The following DCP1B variants were observed in gnomAD, a reference collection of about 807,000 sequenced individuals.
DCP1B encodes the protein decapping mRNA 1B, also known as mRNA-decapping enzyme 1B.
In DCP1B, 47 loss-of-function variants were observed where a neutral mutation model predicts 60.5. That is an observed-to-expected ratio of 0.78 (90% CI 0.61 to 0.99). DCP1B has a LOEUF of 0.99. DCP1B is among the 50% of genes least tolerant of loss of function. The pLI is 0.00. For synonymous variants in DCP1B, 267 were observed against 280.3 expected (o/e 0.95, Z 0.47); for missense variants, 725 against 756.8 (o/e 0.96, Z 0.49).
rs1467870889 is a variant in DCP1B, at chr12:1,952,678, G to A, written c.1262C>T (p.Ala421Val). The A allele has an allele frequency of 1.2e-6, 2 of 1,614,060 alleles. No individual in the cohort carries two copies. The highest frequency in any genetic ancestry group is 1.7e-6 in the Non-Finnish European group (2 of 1,180,048). The change falls in exon 7 of 9, where the codon GCT becomes GTT. Residue 421 changes from alanine to valine, a missense_variant. Ala to Val is a moderately conservative substitution (Grantham distance 64, BLOSUM62 0). Transcript: ENST00000280665. ...GAGTGTGGACTGTTCTCTTCCATGAGCCTGATGTCCTACTGTCTGAGGTGG... is the reference window on the plus strand; with the variant it reads ...GAGTGTGGACTGTTCTCTTCCATGAACCTGATGTCCTACTGTCTGAGGTGG... ...SLPPQTVGHQ[A>V]HGREQSTLPR...
rs59589559 is a variant in DCP1B, at chr12:1,948,863, T to C, written c.1773+223A>G. On this transcript the variant is annotated intron_variant, in intron 8 of 8. Coordinates refer to ENST00000280665, the MANE Select transcript of DCP1B (RefSeq NM_152640.5). This position sits in a 1 kb window ranked among gnomAD's most constrained non-coding sequence, Gnocchi z 4.8. ...TGGAGGCCTTAGACAGTCCTTCAAATTACAAAATCCTTGAAGAGCTGAGAC... is the reference window on the plus strand; with the variant it reads ...TGGAGGCCTTAGACAGTCCTTCAAACTACAAAATCCTTGAAGAGCTGAGAC... 1.5e-3 allele frequency among the ~76,000 whole-genome samples: 228 copies of C among 152,272 alleles called. 6 individuals are homozygous for C. In the East Asian group the frequency reaches 0.031, roughly 20 times the overall value.
intron 1 of DCP1B, among the ~76,000 whole-genome samples, chr12:2,000,517 G>C (rs539144261): frequency 6.7e-6 from 1 of 149,648 alleles, no homozygotes; most frequent in African/African-American, 2.5e-5. Flanking sequence ...TAAATTCCAA[G>C]GTCAAAAATG....
chr12:1,973,768 C>T (rs748404118), intron 3 of DCP1B, among the ~76,000 whole-genome samples: 32 of 152,086 alleles, frequency 2.1e-4, no homozygotes, highest in Non-Finnish European at 4.7e-4. Flanking sequence ...TAGTTTACAA[C>T]AAATATAAAT....
chr12:1,993,349 C>T lies in DCP1B; in HGVS notation c.234G>A (p.Leu78=), dbSNP rs2039955895. Reference sequence around the variant, plus strand: ...TAGGTTCTGTCCTATTTTCCATGCTCAGCCTATTCATAATGGTGAATCCAT... The same window carrying T: ...TAGGTTCTGTCCTATTTTCCATGCTTAGCCTATTCATAATGGTGAATCCAT... ...PKHGFTIMNR[L]SMENRTEPIT... is the part of the protein sequence containing the mutation. The change falls in exon 3 of 9, where the codon CTG becomes CTA. Residue 78 remains leucine, a synonymous_variant. Transcript: ENST00000280665. 5 of 1,613,902 alleles carry T rather than the reference C, an allele frequency of 3.1e-6. No homozygotes were observed. The African/African-American group carries it at 4.0e-5, about 13-fold the overall frequency.
rs756905899 is a variant in DCP1B at position 1,953,268 on chromosome 12, T to C, written c.672A>G (p.Gln224=). 13 of 1,599,464 alleles carry C rather than the reference T, an allele frequency of 8.1e-6. No homozygotes were observed. Residue 224 remains glutamine (Q), a synonymous_variant, in exon 7 of 9, where the codon CAA becomes CAG. Transcript: ENST00000280665. ...QPNQTLDPEP[Q]HLSLTALFGK... ...CAAACAGAGCTGTCAAGGATAAGTG[T>C]TGGGGTTCAGGGTCTAAGGTCTGGA...
chr12:1,984,422 A>C (rs956362717), intron 3 of DCP1B, among the ~76,000 whole-genome samples: 3 of 152,048 alleles, frequency 2.0e-5, no homozygotes, highest in Non-Finnish European at 2.9e-5. Flanking sequence ...TACAATATAC[A>C]TATCTAACTT....
intron 8 of DCP1B, among the ~76,000 whole-genome samples, chr12:1,947,544 T>C (rs2030482391): frequency 6.6e-6 from 1 of 152,178 alleles, no homozygotes; most frequent in Non-Finnish European, 1.5e-5. Flanking sequence ...ATCCGCCATG[T>C]TCAGCCACTA....
intron 3 of DCP1B, among the ~76,000 whole-genome samples, chr12:1,973,998 T>C (rs1349359862): frequency 1.3e-5 from 2 of 152,154 alleles, no homozygotes; most frequent in African/African-American, 4.8e-5. Flanking sequence ...GTTTTGTATA[T>C]CCTTGTAGTA....
At chr12:1,947,817 C>T (rs1294360407) in intron 8 of DCP1B, among the ~76,000 whole-genome samples, 1 of 152,142 alleles carries the variant, frequency 6.6e-6, no homozygotes, top group Non-Finnish European at 1.5e-5. Flanking sequence ...TAGCCCCATT[C>T]CTTTCATTCT....
chr12:1,954,320 T>C (rs2030801001), intron 6 of DCP1B, among the ~76,000 whole-genome samples: 1 of 152,190 alleles, frequency 6.6e-6, no homozygotes, highest in Non-Finnish European at 1.5e-5. Context: ...ATTAGAAGAC[T>C]TCTTTTCTTT....
rs1042503732 is a variant in DCP1B at position 2,004,412 on chromosome 12, C to A, written c.20G>T (p.Gly7Val). 1 of 1,610,628 alleles carries A rather than the reference C, an allele frequency of 6.2e-7. No homozygotes were observed. Among genetic ancestry groups the A allele is most frequent in the African/African-American group, 1.3e-5 (1 of 74,906 alleles). The change falls in exon 1 of 9, where the codon GGC becomes GTC. Residue 7 changes from glycine (G) to valine (V), a missense_variant. Coordinates refer to ENST00000280665, the MANE Select transcript of DCP1B (RefSeq NM_152640.5). ...GTCGCGCCCCTTTCCCACCAGGCCG[C>A]CTGCCGCCACGGCTGCCATCTTCCC... is the stretch of plus-strand genomic sequence containing the variant. MAAVAA[G>V]GLVGKGRDIS...
chr12:1,973,808 CTTAAAT>C (rs1236741665), intron 3 of DCP1B, among the ~76,000 whole-genome samples: 5 of 152,182 alleles, frequency 3.3e-5, no homozygotes, highest in Non-Finnish European at 5.9e-5. Flanking sequence ...TTGTTGGCCA[CTTAAAT>C]TTATATTTTC....
At chr12:1,983,737 T>G (rs531513091) in intron 3 of DCP1B, among the ~76,000 whole-genome samples, 19 of 152,236 alleles carry the variant, frequency 1.2e-4, no homozygotes, top group African/African-American at 3.6e-4. Context: ...CAGCTGTGTT[T>G]AGTTGATAGT....
intron 2 of DCP1B, among the ~76,000 whole-genome samples, chr12:1,994,493 G>C (rs1225853302): frequency 4.6e-5 from 7 of 152,180 alleles, no homozygotes; most frequent in Non-Finnish European, 7.3e-5. Context: ...GGGGTAAAGT[G>C]GTGGTAAGCA....
intron 1 of DCP1B, 124 bp from the exon 2 acceptor site, chr12:1,998,099 G>A (rs1239683007): frequency 2.8e-6 from 2 of 725,426 alleles, no homozygotes; most frequent in Non-Finnish European, 4.3e-6. Flanking sequence ...CCCAACATGA[G>A]GAGTTATTCT....
At chr12:1,963,667 T>A (rs574606398) in intron 5 of DCP1B, among the ~76,000 whole-genome samples, 1 of 152,198 alleles carries the variant, frequency 6.6e-6, no homozygotes, top group Non-Finnish European at 1.5e-5. Context: ...CTGATTTCTG[T>A]GTCCTTTCAC....
At chr12:1,943,140 A>C (rs560726375), downstream of DCP1B, among the ~76,000 whole-genome samples, 37 of 152,348 alleles carry the variant, frequency 2.4e-4, no homozygotes, top group Non-Finnish European at 3.7e-4. Flanking sequence ...ACAGAAATAC[A>C]AACTACCATC....
chr12:1,996,358 A>G (rs1382471096), intron 2 of DCP1B, among the ~76,000 whole-genome samples: 4 of 152,038 alleles, frequency 2.6e-5, no homozygotes, highest in Non-Finnish European at 5.9e-5. Context: ...AAACCAGTAT[A>G]AGCCCTCTGC....
chr12:1,955,893 T>C (rs1486893778), intron 5 of DCP1B, among the ~76,000 whole-genome samples: 1 of 152,198 alleles, frequency 6.6e-6, no homozygotes, highest in Non-Finnish European at 1.5e-5. Flanking sequence ...TCTAATGTCT[T>C]TCAATGATAA....
Sources: allele counts gnomAD v4.1 joint callset (sites outside exome capture counted in the v4.1 genomes callset), GRCh38; gene constraint gnomAD v4.1.1; non-coding constraint Gnocchi (gnomAD v3.1); transcripts MANE v1.5; gene names NCBI Gene and HGNC (gene_info 2026-07-23, HGNC 2026-07-21).